The following UBE2E1 variants were observed in gnomAD, a reference collection of about 807,000 sequenced individuals.
The protein encoded by UBE2E1 is ubiquitin conjugating enzyme E2 E1, also known as ubiquitin-conjugating enzyme E2 E1.
UBE2E1 carries 6 observed loss-of-function variants against 21.4 expected under a neutral mutation model. The ratio of observed to expected loss-of-function variants is 0.28; its 90% confidence interval spans 0.15 to 0.55. UBE2E1 has a LOEUF of 0.55. Among genes scored for constraint, UBE2E1 ranks in the 20% least tolerant of loss-of-function variants. The pLI is 0.93. For missense variants in UBE2E1, 142 were observed against 236.5 expected, an observed-to-expected ratio of 0.60 and a Z score of 2.62; for synonymous variants, 87 against 82.7, an observed-to-expected ratio of 1.05 and a Z score of -0.28.
At chr3:23,859,904 G>A (rs1700515889) in intron 3 of UBE2E1, among the ~76,000 whole-genome samples, 1 of 152,152 alleles carries the variant, frequency 6.6e-6, no homozygotes, top group African/African-American at 2.4e-5. Context: ...TTATTATAAA[G>A]CATATAAGGA....
At chr3:23,861,809 T>C (rs890588717) in intron 3 of UBE2E1, among the ~76,000 whole-genome samples, 1 of 152,226 alleles carries the variant, frequency 6.6e-6, no homozygotes, top group Non-Finnish European at 1.5e-5. Context: ...ATTTCCCTTC[T>C]GGCTGCCCCA....
rs536294287 is a variant in UBE2E1, at chr3:23,883,709, AGTTTGAGACC to A, written c.204-3856_204-3847del. Among the ~76,000 whole-genome samples the A allele has an allele frequency of 4.3e-4, 66 of 152,106 alleles. No homozygotes were observed. The South Asian group carries it at 4.4e-3, about 10-fold the overall frequency. On this transcript the variant is annotated intron_variant, in intron 3 of 5. Transcript: ENST00000306627. ...GAGGCAGTCGGATCACAAGGTCAGG[AGTTTGAGACC>A]GGTCTAGCCAATATGGTGAAACCCC...
intron 3 of UBE2E1, among the ~76,000 whole-genome samples, chr3:23,855,157 G>T (rs1700407287): frequency 6.6e-6 from 1 of 152,132 alleles, no homozygotes; most frequent in Non-Finnish European, 1.5e-5. Context: ...AGCAGTCTTT[G>T]GGTTTAAGTA....
chr3:23,806,648 C>CG lies in UBE2E1; in HGVS notation c.-34+567dup, dbSNP rs1460293402. Among the ~76,000 whole-genome samples the CG allele has an allele frequency of 3.3e-5, 5 of 151,418 alleles. No homozygotes were observed. The East Asian group carries it at 5.9e-4, about 18-fold the overall frequency. On this transcript the variant is annotated intron_variant, in intron 1 of 5. Coordinates refer to ENST00000306627, the MANE Select transcript of UBE2E1 (RefSeq NM_003341.5). This position sits in a 1 kb window ranked among gnomAD's most constrained non-coding sequence, Gnocchi z 6.5. ...CCGGGAGGGGCGTCGGGGCGCGGCG[C>CG]GGGGGGGCCTCGGGCCTCGTCGCCC...
At chr3:23,869,552 G>A (rs1343255946) in intron 3 of UBE2E1, among the ~76,000 whole-genome samples, 3 of 150,820 alleles carry the variant, frequency 2.0e-5, no homozygotes, top group African/African-American at 7.3e-5. Context: ...TTATTTCCAG[G>A]TACAAAGAAC....
chr3:23,815,622 C>T (rs1455259509), intron 3 of UBE2E1, among the ~76,000 whole-genome samples: 1 of 152,196 alleles, frequency 6.6e-6, no homozygotes, highest in Non-Finnish European at 1.5e-5. Flanking sequence ...AAGTCCCAGG[C>T]TGCTCATCAT....
chr3:23,868,089 T>C (rs945580461), intron 3 of UBE2E1, among the ~76,000 whole-genome samples: 2 of 152,088 alleles, frequency 1.3e-5, no homozygotes, highest in African/African-American at 4.8e-5. Flanking sequence ...AGCAGGAAAA[T>C]AAGTCAAAAG....
At position 23,876,620 on chromosome 3, in the gene UBE2E1, G is replaced by A. The variant is rs1023955383; in HGVS notation, c.204-10947G>A. ...AAGCATTTTGTAAATTCAGTTTTGG[G>A]TTTTTTGTTTTTTGTTTCTTGTTTT... is the stretch of plus-strand genomic sequence containing the variant. On this transcript the variant is annotated intron_variant, in intron 3 of 5. Coordinates refer to ENST00000306627, the MANE Select transcript of UBE2E1 (RefSeq NM_003341.5). The surrounding 1 kb of genome is among the most constrained non-coding windows in gnomAD (Gnocchi z 4.3). Among the ~76,000 whole-genome samples, 1 of 151,966 alleles carries A rather than the reference G, an allele frequency of 6.6e-6. No individual in the cohort carries two copies. Among genetic ancestry groups the A allele is most frequent in the Admixed American group, 6.6e-5 (1 of 15,262 alleles).
chr3:23,841,112 ATAT>A (rs1444901205), intron 3 of UBE2E1, among the ~76,000 whole-genome samples: 2 of 152,120 alleles, frequency 1.3e-5, no homozygotes, highest in African/African-American at 4.8e-5. Context: ...ATCTATAATG[ATAT>A]TATTTACTTT....
chr3:23,845,585 CTCTCTGTG>C (rs767630936), intron 3 of UBE2E1, among the ~76,000 whole-genome samples: 8 of 97,998 alleles, frequency 8.2e-5, no homozygotes, highest in Non-Finnish European at 1.7e-4. Context: ...CTCTCTCTCT[CTCTCTGTG>C]TGTGTGTGTG....
rs1186516096 is a variant in UBE2E1, at chr3:23,890,654, C to T, written c.*48C>T. The T allele has an allele frequency of 8.4e-6, 13 of 1,543,206 alleles. No individual in the cohort carries two copies. The highest frequency in any genetic ancestry group is 1.2e-5 in the Non-Finnish European group (13 of 1,125,258). ...ATTATTTGTCTGTCACAGAAGAGAG[C>T]TGCTTATGATTTTGAAGGGGTCAGG... On this transcript the variant is annotated 3_prime_UTR_variant, in exon 6 of 6. Coordinates refer to ENST00000306627, the MANE Select transcript of UBE2E1 (RefSeq NM_003341.5).
intron 3 of UBE2E1, among the ~76,000 whole-genome samples, chr3:23,852,961 G>A (rs1452076032): frequency 2.0e-5 from 3 of 151,496 alleles, no homozygotes; most frequent in Non-Finnish European, 4.4e-5. Flanking sequence ...TTGTTACCCA[G>A]GCTGGAATGC....
intron 3 of UBE2E1, among the ~76,000 whole-genome samples, chr3:23,881,877 G>A (rs1701050692): frequency 6.6e-6 from 1 of 152,194 alleles, no homozygotes; most frequent in African/African-American, 2.4e-5. Context: ...GGCTTCAGGA[G>A]TGAAGCTGCA....
In UBE2E1 at chr3:23,863,876, C is replaced by T. The variant is rs1461268067; in HGVS notation, c.204-23691C>T. On this transcript the variant is annotated intron_variant, in intron 3 of 5. Transcript: ENST00000306627. The surrounding 1 kb of genome is among the most constrained non-coding windows in gnomAD (Gnocchi z 4.3). ...AAATCTCTCCCCAGAGCCATCTGAC[C>T]TCTTCTGGTTTTAACAGGCTACCTG... Among the ~76,000 whole-genome samples the T allele has an allele frequency of 1.3e-5, 2 of 152,180 alleles. No individual in the cohort carries two copies. Among genetic ancestry groups the T allele is most frequent in the African/African-American group, 2.4e-5 (1 of 41,436 alleles).
At chr3:23,839,451 G>C (rs1559481673) in intron 3 of UBE2E1, among the ~76,000 whole-genome samples, 1 of 151,738 alleles carries the variant, frequency 6.6e-6, no homozygotes, top group Non-Finnish European at 1.5e-5. Context: ...GCAACAGAGA[G>C]AGAGTCTGTC....
At chr3:23,869,929 A>C (rs1010131575) in intron 3 of UBE2E1, among the ~76,000 whole-genome samples, 1 of 151,912 alleles carries the variant, frequency 6.6e-6, no homozygotes, top group African/African-American at 2.4e-5. Context: ...CTAAACAAAA[A>C]CCACTATTTT....
chr3:23,842,246 T>TGTGTGTGTGTGTGTG lies in UBE2E1; in HGVS notation c.203+30739_203+30740insTGTGTGTGTGTGGTG, dbSNP rs759418034. On this transcript the variant is annotated intron_variant, in intron 3 of 5. Transcript: ENST00000306627. The surrounding 1 kb of genome is among the most constrained non-coding windows in gnomAD (Gnocchi z 4.6). ...GTGTGTGTGTGTGTGTGTGTGTGTG[T>TGTGTGTGTGTGTGTG]GTGGTGTTGTTGTTGTTGGCGACAG... 3.1e-3 allele frequency among the ~76,000 whole-genome samples: 115 copies of TGTGTGTGTGTGTGTG among 36,742 alleles called. No homozygotes were observed. The highest frequency in any genetic ancestry group is 8.0e-3 in the African/African-American group (102 of 12,744). 24.1% of individuals were successfully genotyped at this position (36,742 alleles called of 152,430 possible).
intron 3 of UBE2E1, chr3:23,879,347 G>T: frequency 1.5e-6 from 1 of 646,544 alleles, no homozygotes; most frequent in South Asian, 1.4e-5. Context: ...TAAATCTTTT[G>T]GTAGGTACAG....
At chr3:23,874,691 T>G (rs1015296020) in intron 3 of UBE2E1, among the ~76,000 whole-genome samples, 1 of 152,172 alleles carries the variant, frequency 6.6e-6, no homozygotes, top group Non-Finnish European at 1.5e-5. Flanking sequence ...TTGTTCCAAC[T>G]CAGGCTTGTA....
Sources: allele counts gnomAD v4.1 joint callset (sites outside exome capture counted in the v4.1 genomes callset), GRCh38; gene constraint gnomAD v4.1.1; non-coding constraint Gnocchi (gnomAD v3.1); transcripts MANE v1.5; gene names NCBI Gene and HGNC (gene_info 2026-07-23, HGNC 2026-07-21).